PDSS2: variants seen among roughly 807,000 people sequenced by gnomAD.
PDSS2 encodes all trans-polyprenyl-diphosphate synthase PDSS2.
PDSS2 carries 31 observed loss-of-function variants against 44.5 expected under a neutral mutation model. The observed-to-expected ratio is 0.70, with a 90% CI of 0.52 to 0.94. The LOEUF (loss-of-function observed/expected upper bound fraction) is 0.94. Among genes scored for constraint, PDSS2 ranks in the 40% least tolerant of loss-of-function variants. The probability of loss-of-function intolerance (pLI) is 0.00; values close to 1 mark genes in which losing one functional copy is unlikely to be tolerated. For synonymous variants in PDSS2, 157 were observed against 180.3 expected, an observed-to-expected ratio of 0.87 and a Z score of 1.03; for missense variants, 452 against 482.2, an observed-to-expected ratio of 0.94 and a Z score of 0.59.
At chr6:107,155,877 C>G (rs549017032) in intron 7 of PDSS2, among the ~76,000 whole-genome samples, 7 of 51,634 alleles carry the variant, frequency 1.4e-4, no homozygotes, top group Non-Finnish European at 2.2e-4. Context: ...CTTGCCCGGC[C>G]TTTTTTTTTT....
intron 1 of PDSS2, among the ~76,000 whole-genome samples, chr6:107,414,079 ATACAT>A (rs896809240): frequency 1.3e-5 from 2 of 152,258 alleles, no homozygotes; most frequent in Non-Finnish European, 2.9e-5. Context: ...ACTAAAATAA[ATACAT>A]TAGGTTTAGT....
At chr6:107,180,853 T>G (rs888376118) in intron 7 of PDSS2, among the ~76,000 whole-genome samples, 4 of 152,166 alleles carry the variant, frequency 2.6e-5, no homozygotes, top group African/African-American at 9.7e-5. Context: ...TTTTATTTAT[T>G]TATGTATTTA....
intron 7 of PDSS2, among the ~76,000 whole-genome samples, chr6:107,163,200 C>T (rs182273897): frequency 9.9e-5 from 15 of 152,246 alleles, no homozygotes; most frequent in Admixed American, 4.6e-4. Flanking sequence ...CTGATGATAG[C>T]TAACAGGGTA....
chr6:107,263,269 A>G (rs1254131111), intron 3 of PDSS2, among the ~76,000 whole-genome samples: 2 of 152,128 alleles, frequency 1.3e-5, no homozygotes, highest in African/African-American at 4.8e-5. Flanking sequence ...TCTTGCCAAC[A>G]TGGCGAAAAC....
intron 2 of PDSS2, among the ~76,000 whole-genome samples, chr6:107,315,067 T>C (rs1176168661): frequency 6.6e-6 from 1 of 152,238 alleles, no homozygotes. Context: ...TTAAACATTT[T>C]AATACTGTCA....
At chr6:107,214,383 T>G (rs7750154) in intron 4 of PDSS2, among the ~76,000 whole-genome samples, 116,220 of 152,058 alleles carry the variant, frequency 0.76, 45,189 homozygotes, top group East Asian at 0.99. Context: ...GAGCCACCGC[T>G]CCCGGCCTTT....
intron 2 of PDSS2, among the ~76,000 whole-genome samples, chr6:107,294,253 T>C (rs1164242418): frequency 6.6e-6 from 1 of 152,088 alleles, no homozygotes; most frequent in African/African-American, 2.4e-5. Context: ...CAGGGCATAG[T>C]CTATACAGTG....
chr6:107,386,187 A>G (rs974081371), intron 1 of PDSS2, among the ~76,000 whole-genome samples: 1 of 152,150 alleles, frequency 6.6e-6, no homozygotes, highest in Admixed American at 6.5e-5. Flanking sequence ...ATGTATATTC[A>G]CTAGGCAAAG....
At chr6:107,362,987 T>C (rs758990191) in intron 1 of PDSS2, among the ~76,000 whole-genome samples, 13 of 151,746 alleles carry the variant, frequency 8.6e-5, no homozygotes, top group African/African-American at 2.4e-4. Flanking sequence ...CTGAATAACA[T>C]AGGGGAAAAA....
intron 1 of PDSS2, among the ~76,000 whole-genome samples, chr6:107,340,043 A>T (rs1039482039): frequency 9.5e-5 from 13 of 136,232 alleles, no homozygotes; most frequent in Non-Finnish European, 1.9e-4. Context: ...AATAGTCAAT[A>T]AAAAAAAAAA....
chr6:107,156,546 C>T (rs1554245693), intron 7 of PDSS2, among the ~76,000 whole-genome samples: 3 of 152,286 alleles, frequency 2.0e-5, no homozygotes, highest in Admixed American at 2.0e-4. Flanking sequence ...TCCCCACATC[C>T]GGTTAGGCAC....
intron 7 of PDSS2, among the ~76,000 whole-genome samples, chr6:107,159,607 G>A (rs1049936020): frequency 1.3e-5 from 2 of 151,472 alleles, no homozygotes; most frequent in Admixed American, 1.3e-4. Context: ...TTTAGTAGAG[G>A]TGGGGTTTCA....
At chr6:107,446,758 C>G (rs1425687167) in intron 1 of PDSS2, among the ~76,000 whole-genome samples, 1 of 152,052 alleles carries the variant, frequency 6.6e-6, no homozygotes, top group Non-Finnish European at 1.5e-5. Flanking sequence ...CTCATGAGAA[C>G]TCACTCACTA....
chr6:107,330,319 C>A (rs942576906), intron 2 of PDSS2, among the ~76,000 whole-genome samples: 6 of 152,118 alleles, frequency 3.9e-5, no homozygotes, highest in African/African-American at 1.4e-4. Context: ...GCATGGGAAG[C>A]TGAGAAATGT....
intron 4 of PDSS2, among the ~76,000 whole-genome samples, chr6:107,230,680 T>C (rs896065954): frequency 6.6e-6 from 1 of 151,776 alleles, no homozygotes; most frequent in African/African-American, 2.4e-5. Flanking sequence ...AGGGCATGTT[T>C]TTCTCATAGT....
chr6:107,169,309 G>A (rs1233665568), intron 7 of PDSS2, among the ~76,000 whole-genome samples: 1 of 152,054 alleles, frequency 6.6e-6, no homozygotes, highest in Non-Finnish European at 1.5e-5. Flanking sequence ...TAGTTCTTGT[G>A]CCATGGTTTT....
At chr6:107,159,415 TTTTC>T (rs1466808343) in intron 7 of PDSS2, among the ~76,000 whole-genome samples, 1 of 117,442 alleles carries the variant, frequency 8.5e-6, no homozygotes, top group African/African-American at 4.0e-5. Flanking sequence ...ATTTTCTTTC[TTTTC>T]TTTTTTTTTT....
chr6:107,245,548 C>T lies in PDSS2; in HGVS notation c.702G>A (p.Lys234=). 6.5e-7 allele frequency: 1 copy of T among 1,543,634 alleles called. No individual in the cohort carries two copies. The highest frequency in any genetic ancestry group is 8.9e-7 in the Non-Finnish European group (1 of 1,121,608). ...ATTTTATGACTCTGAAATCCTTTAC[C>T]TTTGAAGTAGAATTTTCATGATATA... ...QGVYHENSTS[K]ESYITDDIGI... The change falls in exon 4 of 8, where the codon AAG becomes AAA. Residue 234 remains lysine (K), a splice_region_variant and synonymous_variant. Transcript: ENST00000369037.
chr6:107,330,880 T>C (rs1777690393), intron 2 of PDSS2, among the ~76,000 whole-genome samples: 1 of 152,166 alleles, frequency 6.6e-6, no homozygotes, highest in African/African-American at 2.4e-5. Context: ...GTTATTACAT[T>C]TTAGCCTAAA....
Sources: gnomAD v4.1 joint callset for allele counts (sites outside exome capture counted in the v4.1 genomes callset) on GRCh38, gnomAD v4.1.1 for gene constraint, MANE v1.5 for transcripts, NCBI Gene and HGNC (gene_info 2026-07-23, HGNC 2026-07-21) for gene names.